ZNF721: variants seen among roughly 807,000 people sequenced by gnomAD.
ZNF721 encodes the protein zinc finger protein 721.
In ZNF721, 2 loss-of-function variants were observed where a neutral mutation model predicts 2.4. That is an observed-to-expected ratio of 0.82 (90% confidence interval 0.34 to 2.58). The LOEUF (loss-of-function observed/expected upper bound fraction) is 2.58, where lower values mean the gene tolerates loss of function less well. ZNF721 is among the 30% of genes most tolerant of loss of function. The pLI, the probability that ZNF721 is intolerant of heterozygous loss-of-function variation, is 0.11. For synonymous variants in ZNF721, 398 were observed against 381.8 expected, an observed-to-expected ratio of 1.04 and a Z score of -0.50; for missense variants, 1,187 against 1,085.5, an observed-to-expected ratio of 1.09 and a Z score of -1.31.
intron 1 of ZNF721, among the ~76,000 whole-genome samples, chr4:477,498 A>G (rs1375771732): frequency 6.6e-6 from 1 of 152,036 alleles, no homozygotes; most frequent in Non-Finnish European, 1.5e-5. Context: ...TCGGCCTCCC[A>G]AAGTGCTGGG....
chr4:442,928 G>A lies in ZNF721; in HGVS notation c.1539C>T (p.Ser513=), dbSNP rs1553863499. 2 of 1,613,400 alleles carry A rather than the reference G, an allele frequency of 1.2e-6. No homozygotes were observed. The highest frequency in any genetic ancestry group is 8.5e-7 in the Non-Finnish European group (1 of 1,179,816). ...TTCTCCTATGTTTAGTAAGGGTTGT[G>A]GAACTAGTAAACGCTTTACCACATT... ...CLECGKAFTS[S]TTLTKHRRIH... is the part of the protein sequence containing the mutation. Residue 513 remains serine (S), a synonymous_variant, in exon 3 of 3, where the codon TCC becomes TCT. Coordinates refer to ENST00000511833, the MANE Select transcript of ZNF721 (RefSeq NM_133474.4).
intron 2 of ZNF721, among the ~76,000 whole-genome samples, chr4:457,774 A>AT (rs1714891372): frequency 6.6e-6 from 1 of 152,036 alleles, no homozygotes; most frequent in Non-Finnish European, 1.5e-5. Context: ...GTCCGGAAGA[A>AT]TTTTTTCCTA....
rs181127829 is a variant in ZNF721 at position 488,616 on chromosome 4, G to T, written c.-94+10440C>A. Among the ~76,000 whole-genome samples, 463 of 152,256 alleles carry T rather than the reference G, an allele frequency of 3.0e-3. 5 individuals carry two copies. The highest frequency in any genetic ancestry group is 1.0e-3 in the Non-Finnish European group (68 of 68,026). ...GGAGGCCGAGGCAGGCGGATCACAAGGTGAAGAGATTGAGACCATCCTGGC... is the reference window on the plus strand; with the variant it reads ...GGAGGCCGAGGCAGGCGGATCACAATGTGAAGAGATTGAGACCATCCTGGC... On this transcript the variant is annotated intron_variant, in intron 1 of 2. Transcript: ENST00000511833.
intron 1 of ZNF721, among the ~76,000 whole-genome samples, chr4:483,241 A>G (rs1311231420): frequency 4.6e-5 from 7 of 152,248 alleles, no homozygotes; most frequent in Non-Finnish European, 1.5e-5. Context: ...TTGTATAAAA[A>G]GACAAACAAT....
At chr4:446,563 T>TAG (rs1714480270) in intron 2 of ZNF721, among the ~76,000 whole-genome samples, 1 of 152,058 alleles carries the variant, frequency 6.6e-6, no homozygotes, top group African/African-American at 2.4e-5. Context: ...GTATTTTTAA[T>TAG]AGAGACAGGG....
At chr4:471,450 CACAG>C (rs1203767069) in intron 2 of ZNF721, among the ~76,000 whole-genome samples, 1 of 152,108 alleles carries the variant, frequency 6.6e-6, no homozygotes, top group African/African-American at 2.4e-5. Flanking sequence ...ATTAGCCAAA[CACAG>C]ACAGACAAAG....
intron 1 of ZNF721, among the ~76,000 whole-genome samples, chr4:491,403 G>T (rs1043324671): frequency 5.9e-5 from 9 of 152,218 alleles, no homozygotes; most frequent in Middle Eastern, 3.2e-3. Context: ...GGGCAACAGA[G>T]TGAGACTCCA....
chr4:487,816 AG>A (rs1412580194), intron 1 of ZNF721, among the ~76,000 whole-genome samples: 1 of 152,190 alleles, frequency 6.6e-6, no homozygotes, highest in Admixed American at 6.5e-5. Context: ...GGGAACCTAA[AG>A]CCAGTTAACG....
Position 446,688 on chromosome 4 carries a change from CT to C in ZNF721, c.35-2257del, listed in dbSNP as rs555227271. On this transcript the variant is annotated intron_variant, in intron 2 of 2. Coordinates refer to ENST00000511833, the MANE Select transcript of ZNF721 (RefSeq NM_133474.4). ...GCCACCACACCCAACCCCGAATTTTCTTTTTTTTTTCTTTTTTTTCTTTTTA... is the reference window on the plus strand; with the variant it reads ...GCCACCACACCCAACCCCGAATTTTCTTTTTTTTTCTTTTTTTTCTTTTTA... Among the ~76,000 whole-genome samples, 239 of 147,216 alleles carry C rather than the reference CT, an allele frequency of 1.6e-3. 2 individuals are homozygous for C. The highest frequency in any genetic ancestry group is 1.0e-3 in the Non-Finnish European group (68 of 66,504).
chr4:456,048 ATTTT>A (rs1262797403), intron 2 of ZNF721, among the ~76,000 whole-genome samples: 1 of 110,850 alleles, frequency 9.0e-6, no homozygotes, highest in African/African-American at 4.2e-5. Context: ...CACCAAAAAA[ATTTT>A]TATTTATTTA....
chr4:443,287 A>T lies in ZNF721; in HGVS notation c.1180T>A (p.Cys394Ser), dbSNP rs782013904. The change falls in exon 3 of 3, where the codon TGT (cysteine) becomes AGT (serine). Residue 394 changes from cysteine to serine, a missense_variant. By Grantham distance (112) the Cys-to-Ser change is moderately radical (BLOSUM62 -1). Transcript: ENST00000511833. ...GTTGAACTATTAAAGGCTTTGCCAC[A>T]CTCTTCACATTTGTAAGGTTTCTCT... ...TGEKPYKCEE[C>S]GKAFNSSTNL... is the part of the protein sequence containing the mutation. The T allele has an allele frequency of 6.2e-7, 1 of 1,613,852 alleles. No homozygotes were observed. The highest frequency in any genetic ancestry group is 8.5e-7 in the Non-Finnish European group (1 of 1,179,974).
At chr4:498,991 T>C (rs1716513237) in intron 1 of ZNF721, 65 bp downstream of exon 1, 2 of 293,740 alleles carry the variant, frequency 6.8e-6, no homozygotes, top group Admixed American at 5.4e-5. Context: ...CCCAAAGTAC[T>C]GGGATTAAAG....
At chr4:480,558 C>T (rs1715745985) in intron 1 of ZNF721, among the ~76,000 whole-genome samples, 1 of 152,006 alleles carries the variant, frequency 6.6e-6, no homozygotes, top group Non-Finnish European at 1.5e-5. Flanking sequence ...GCCCCTTTTA[C>T]TCTCTCTCCA....
rs1040367692 is a variant in ZNF721 at position 468,424 on chromosome 4, C to T, written c.34+4151G>A. ...CAGCCTGGGCGACAGAACCAGATTC[C>T]GTCACAAAAAAAAGAAAAAAAAAAA... On this transcript the variant is annotated intron_variant, in intron 2 of 2. Coordinates refer to ENST00000511833, the MANE Select transcript of ZNF721 (RefSeq NM_133474.4). Among the ~76,000 whole-genome samples the T allele has an allele frequency of 3.3e-5, 5 of 150,800 alleles. No homozygotes were observed. The East Asian group carries it at 5.8e-4, about 18-fold the overall frequency.
In ZNF721 at chr4:442,482, A is replaced by T. The variant is rs782788116; in HGVS notation, c.1985T>A (p.Ile662Asn). ...PSTDLNQHTK[I>N]LTGEQSYKCE... ...TTTGTAACTTTGCTCTCCAGTAAGA[A>T]TTTTCGTGTGTTGATTCAGGTCTGT... The change falls in exon 3 of 3, where the codon ATT becomes AAT. Residue 662 changes from isoleucine (I) to asparagine (N), a missense_variant. Transcript: ENST00000511833. The T allele has an allele frequency of 1.4e-5, 23 of 1,612,688 alleles. No homozygotes were observed. The South Asian group carries it at 2.1e-4, about 15-fold the overall frequency.
At position 498,728 on chromosome 4, in the gene ZNF721, T is replaced by TTTC. The variant is rs1553873276; in HGVS notation, c.-94+327_-94+328insGAA. ...TCTGAGGTATTGGGTTGAATTTTCT[T>TTTC]TTTTTTTTTTTTTTTGAGACGCAGT... On this transcript the variant is annotated intron_variant, in intron 1 of 2. Coordinates refer to ENST00000511833, the MANE Select transcript of ZNF721 (RefSeq NM_133474.4). 1.8e-3 allele frequency among the ~76,000 whole-genome samples: 268 copies of TTTC among 146,208 alleles called. 4 individuals are homozygous for TTTC. The highest frequency in any genetic ancestry group is 5.8e-3 in the African/African-American group (231 of 40,066).
intron 1 of ZNF721, among the ~76,000 whole-genome samples, chr4:489,252 C>T (rs1715968130): frequency 6.6e-6 from 1 of 152,146 alleles, no homozygotes; most frequent in African/African-American, 2.4e-5. Flanking sequence ...GAGAAATTGA[C>T]CCCTCCCATT....
At chr4:469,054 C>T (rs1715347824) in intron 2 of ZNF721, among the ~76,000 whole-genome samples, 1 of 152,148 alleles carries the variant, frequency 6.6e-6, no homozygotes, top group Non-Finnish European at 1.5e-5. Flanking sequence ...TAAATGCATT[C>T]ATTAAGGTAT....
At chr4:469,747 T>C (rs898041425) in intron 2 of ZNF721, among the ~76,000 whole-genome samples, 3 of 152,152 alleles carry the variant, frequency 2.0e-5, no homozygotes, top group South Asian at 2.1e-4. Context: ...ATGAACAGAA[T>C]AGAGAGCCCA....
Sources: allele counts gnomAD v4.1 joint callset (sites outside exome capture counted in the v4.1 genomes callset), GRCh38; gene constraint gnomAD v4.1.1; transcripts MANE v1.5; gene names NCBI Gene and HGNC (gene_info 2026-07-23, HGNC 2026-07-21).